SDK1: variants seen among roughly 807,000 people sequenced by gnomAD.
SDK1 encodes the protein protein sidekick-1.
Under a neutral mutation model 245.5 loss-of-function variants are expected in SDK1, and 157 were observed. The observed-to-expected ratio is 0.64, with a 90% confidence interval of 0.56 to 0.73. The LOEUF is 0.73. Ranked by LOEUF, SDK1 falls within the 30% of genes least tolerant of loss-of-function variation. The pLI is 0.00. For missense variants in SDK1, 3,583 were observed against 3,002.3 expected (o/e 1.19, Z -4.52); for synonymous variants, 1,647 against 1,278.5 (o/e 1.29, Z -6.15).
chr7:3,889,973 T>C (rs546684441), intron 5 of SDK1, among the ~76,000 whole-genome samples: 12 of 152,138 alleles, frequency 7.9e-5, no homozygotes, highest in Non-Finnish European at 1.6e-4. Context: ...TTAACCTGAT[T>C]GGTTTCTATC....
At chr7:3,362,546 A>G (rs1343089394) in intron 1 of SDK1, among the ~76,000 whole-genome samples, 1 of 152,180 alleles carries the variant, frequency 6.6e-6, no homozygotes, top group Middle Eastern at 3.2e-3. Flanking sequence ...CCTCATTAAA[A>G]TATTAAACTT....
chr7:4,096,415 G>A (rs2128185493), intron 22 of SDK1, among the ~76,000 whole-genome samples: 2 of 152,270 alleles, frequency 1.3e-5, no homozygotes, highest in South Asian at 4.1e-4. Context: ...TGTTAGGGGT[G>A]TGGGGGATGG....
At position 3,387,790 on chromosome 7, in the gene SDK1, A is replaced by G. The variant is rs944780139; in HGVS notation, c.298+85906A>G. Among the ~76,000 whole-genome samples the G allele has an allele frequency of 7.2e-5, 11 of 152,252 alleles. No individual in the cohort carries two copies. In the South Asian group the frequency reaches 1.2e-3, roughly 17 times the overall value. On this transcript the variant is annotated intron_variant, in intron 1 of 44. Coordinates refer to ENST00000404826, the MANE Select transcript of SDK1 (RefSeq NM_152744.4). ...ATTGCTTAATAAAATAATACTTGAT[A>G]AAGTCCATGCAGTGTTTACTACATG...
intron 1 of SDK1, among the ~76,000 whole-genome samples, chr7:3,551,056 G>C (rs1010303131): frequency 6.6e-6 from 1 of 152,054 alleles, no homozygotes; most frequent in African/African-American, 2.4e-5. Context: ...CCTATTTAAG[G>C]ACCTAACCTA....
intron 5 of SDK1, among the ~76,000 whole-genome samples, chr7:3,830,540 G>A (rs1352159481): frequency 6.6e-6 from 1 of 152,096 alleles, no homozygotes; most frequent in Non-Finnish European, 1.5e-5. Context: ...CTGTCACCCA[G>A]GCTGGAGTGC....
intron 1 of SDK1, among the ~76,000 whole-genome samples, chr7:3,463,496 G>T (rs1161881416): frequency 6.6e-6 from 1 of 152,022 alleles, no homozygotes; most frequent in East Asian, 1.9e-4. Context: ...GTTAAATAGG[G>T]ATAATAATTA....
Position 4,145,843 on chromosome 7 carries a change from C to T in SDK1, c.4350C>T (p.Phe1450=). The change falls in exon 29 of 45, where the codon TTC becomes TTT. Residue 1450 remains phenylalanine (F), a synonymous_variant. Transcript: ENST00000404826. ...TDLAPESAYI[F]RLSAKTRQGW... is the part of the protein sequence containing the mutation. ...TGGCCCCGGAGTCCGCATACATCTT[C>T]AGGCTGTCCGCCAAGACGAGGCAGG... 6.2e-7 allele frequency: 1 copy of T among 1,613,872 alleles called. No homozygotes were observed. Among genetic ancestry groups the T allele is most frequent in the Non-Finnish European group, 8.5e-7 (1 of 1,179,952 alleles).
chr7:3,426,059 G>A (rs1779667826), intron 1 of SDK1, among the ~76,000 whole-genome samples: 1 of 152,142 alleles, frequency 6.6e-6, no homozygotes, highest in South Asian at 2.1e-4. Flanking sequence ...CAGATATATG[G>A]CGTGTTCTTT....
intron 4 of SDK1, among the ~76,000 whole-genome samples, chr7:3,758,658 C>T (rs1036844688): frequency 3.3e-5 from 5 of 152,168 alleles, no homozygotes; most frequent in Admixed American, 2.6e-4. Context: ...CTGTGAGATC[C>T]TCCAGCCTTG....
intron 4 of SDK1, among the ~76,000 whole-genome samples, chr7:3,779,459 T>TA (rs200775395): frequency 0.016 from 2,288 of 145,326 alleles, 31 homozygotes; most frequent in Admixed American, 0.049. Flanking sequence ...CTATTTTTTT[T>TA]AAAAAAAAAA....
At chr7:3,587,167 G>A (rs1780717126) in intron 1 of SDK1, among the ~76,000 whole-genome samples, 1 of 152,140 alleles carries the variant, frequency 6.6e-6, no homozygotes, top group Admixed American at 6.5e-5. Context: ...CTAGGGAAAA[G>A]GAAAGAACTA....
At chr7:4,107,950 A>G (rs1783053174) in intron 22 of SDK1, among the ~76,000 whole-genome samples, 1 of 152,176 alleles carries the variant, frequency 6.6e-6, no homozygotes, top group Non-Finnish European at 1.5e-5. Context: ...TTTCAGCGTA[A>G]CATAGGCTGG....
intron 22 of SDK1, among the ~76,000 whole-genome samples, chr7:4,079,898 T>C (rs1780946555): frequency 6.6e-6 from 1 of 152,172 alleles, no homozygotes; most frequent in African/African-American, 2.4e-5. Context: ...TATATCACAA[T>C]TAGCTACTAA....
intron 1 of SDK1, among the ~76,000 whole-genome samples, chr7:3,446,679 C>G (rs372743638): frequency 6.6e-6 from 1 of 152,016 alleles, no homozygotes. Flanking sequence ...TAAGCAATAC[C>G]TATTTTCAAA....
At chr7:3,406,643 G>A (rs1347318062) in intron 1 of SDK1, among the ~76,000 whole-genome samples, 4 of 152,094 alleles carry the variant, frequency 2.6e-5, no homozygotes, top group Admixed American at 2.6e-4. Flanking sequence ...GGCACTAAAC[G>A]AGAATAAACC....
chr7:3,411,167 G>A (rs967764503), intron 1 of SDK1, among the ~76,000 whole-genome samples: 2 of 152,120 alleles, frequency 1.3e-5, no homozygotes, highest in African/African-American at 4.8e-5. Flanking sequence ...ATCAGTGTAG[G>A]GCAAAGCAAA....
At chr7:3,473,109 G>A (rs1451219634) in intron 1 of SDK1, among the ~76,000 whole-genome samples, 3 of 152,074 alleles carry the variant, frequency 2.0e-5, no homozygotes, top group African/African-American at 7.2e-5. Context: ...ACATTTACCG[G>A]AGCATCACAA....
At chr7:3,310,609 TG>T (rs772109591) in intron 1 of SDK1, among the ~76,000 whole-genome samples, 5 of 152,180 alleles carry the variant, frequency 3.3e-5, no homozygotes, top group Non-Finnish European at 7.3e-5. Flanking sequence ...GGACCACCTC[TG>T]GGCAGCATGA....
intron 1 of SDK1, among the ~76,000 whole-genome samples, chr7:3,515,380 G>A (rs1782713495): frequency 1.3e-5 from 2 of 152,180 alleles, no homozygotes; most frequent in African/African-American, 2.4e-5. Flanking sequence ...ACATCCTTCT[G>A]AATTGCTAAG....
Sources: allele counts gnomAD v4.1 joint callset (sites outside exome capture counted in the v4.1 genomes callset), GRCh38; gene constraint gnomAD v4.1.1; transcripts MANE v1.5; gene names NCBI Gene and HGNC (gene_info 2026-07-23, HGNC 2026-07-21).